PGCKA1: variants seen among roughly 807,000 people sequenced by gnomAD.
PGCKA1 encodes PDCD10 and GCKIII kinases-associated protein 1.
chr4:37,577,311 T>C, the PGCKA1 span, among the ~76,000 whole-genome samples: 3 of 152,174 alleles, frequency 2.0e-5, no homozygotes, highest in African/African-American at 7.2e-5. Flanking sequence ...ATAGGTGGTA[T>C]GTGTCTAGTA....
chr4:37,575,363 T>C, the PGCKA1 span, among the ~76,000 whole-genome samples: 1 of 152,202 alleles, frequency 6.6e-6, no homozygotes. Flanking sequence ...GTTGAGCACC[T>C]TTTCCTATAC....
chr4:37,456,604 A>G, the PGCKA1 span, among the ~76,000 whole-genome samples: 1 of 152,226 alleles, frequency 6.6e-6, no homozygotes, highest in East Asian at 1.9e-4. Flanking sequence ...TCAGTGTACA[A>G]GTGGTTCTAC....
chr4:37,528,650 G>A, the PGCKA1 span, among the ~76,000 whole-genome samples: 1 of 152,160 alleles, frequency 6.6e-6, no homozygotes, highest in Admixed American at 6.5e-5. Flanking sequence ...CAATTGCCCA[G>A]AGAGAGGAGG....
the PGCKA1 span, among the ~76,000 whole-genome samples, chr4:37,506,776 G>A: frequency 2.0e-5 from 3 of 152,058 alleles, no homozygotes; most frequent in South Asian, 6.2e-4. Flanking sequence ...GACATGTTCT[G>A]TAAATATCTA....
At chr4:37,505,540 A>C in the PGCKA1 span, among the ~76,000 whole-genome samples, 1 of 152,218 alleles carries the variant, frequency 6.6e-6, no homozygotes, top group African/African-American at 2.4e-5. Context: ...TCAGGCTTAC[A>C]GTTCCACATG....
chr4:37,501,824 G>C, the PGCKA1 span, among the ~76,000 whole-genome samples: 1 of 152,152 alleles, frequency 6.6e-6, no homozygotes, highest in Admixed American at 6.5e-5. Flanking sequence ...AGGATAGAAG[G>C]CACTCTGGTT....
At chr4:37,462,806 A>G in the PGCKA1 span, among the ~76,000 whole-genome samples, 7 of 151,998 alleles carry the variant, frequency 4.6e-5, no homozygotes, top group African/African-American at 1.5e-4. Context: ...CATCCTGGCT[A>G]ACACAGTGAA....
At chr4:37,540,213 A>G in the PGCKA1 span, among the ~76,000 whole-genome samples, 853 of 152,346 alleles carry the variant, frequency 5.6e-3, 11 homozygotes, top group African/African-American at 0.019. Context: ...GCATGCGTGC[A>G]TAATTATATA....
the PGCKA1 span, chr4:37,590,220 C>T: frequency 2.5e-6 from 4 of 1,614,172 alleles, no homozygotes; most frequent in Admixed American, 5.0e-5. Context: ...AGAAAAATGA[C>T]CCTCAGAGGC....
the PGCKA1 span, among the ~76,000 whole-genome samples, chr4:37,587,305 T>A: frequency 2.0e-5 from 3 of 152,184 alleles, no homozygotes; most frequent in South Asian, 6.2e-4. Flanking sequence ...GCAAATACCT[T>A]TAATTTGGGG....
the PGCKA1 span, chr4:37,590,380 C>G: frequency 1.2e-6 from 2 of 1,613,884 alleles, no homozygotes; most frequent in Non-Finnish European, 1.7e-6. Flanking sequence ...CACTCCACAG[C>G]CCACTGGGAA....
At chr4:37,480,657 ATC>A in the PGCKA1 span, among the ~76,000 whole-genome samples, 1 of 152,190 alleles carries the variant, frequency 6.6e-6, no homozygotes, top group Non-Finnish European at 1.5e-5. Context: ...CAGGGTTGGA[ATC>A]TCTCTGGGTG....
At chr4:37,520,429 T>A in the PGCKA1 span, among the ~76,000 whole-genome samples, 1 of 152,172 alleles carries the variant, frequency 6.6e-6, no homozygotes, top group African/African-American at 2.4e-5. Context: ...AACTTTGATC[T>A]CGTTACTTGT....
At chr4:37,511,383 C>T in the PGCKA1 span, among the ~76,000 whole-genome samples, 1 of 152,134 alleles carries the variant, frequency 6.6e-6, no homozygotes, top group Non-Finnish European at 1.5e-5. Flanking sequence ...ACTGCTGGTT[C>T]TTCAAGGCCT....
the PGCKA1 span, among the ~76,000 whole-genome samples, chr4:37,493,628 A>G: frequency 6.6e-6 from 1 of 152,182 alleles, no homozygotes; most frequent in Non-Finnish European, 1.5e-5. Flanking sequence ...GAAACTGCCA[A>G]TAATATCAGG....
the PGCKA1 span, among the ~76,000 whole-genome samples, chr4:37,501,826 A>T: frequency 6.6e-6 from 1 of 151,848 alleles, no homozygotes; most frequent in Non-Finnish European, 1.5e-5. Flanking sequence ...GATAGAAGGC[A>T]CTCTGGTTTT....
the PGCKA1 span, among the ~76,000 whole-genome samples, chr4:37,518,395 A>G: frequency 6.6e-6 from 1 of 152,204 alleles, no homozygotes; most frequent in Non-Finnish European, 1.5e-5. Context: ...CCAACAGTGT[A>G]TGCAGGTTCC....
the PGCKA1 span, among the ~76,000 whole-genome samples, chr4:37,478,375 C>T: frequency 6.6e-6 from 1 of 152,034 alleles, no homozygotes; most frequent in East Asian, 1.9e-4. Context: ...GGGAATCATA[C>T]TCTCCCAAGG....
the PGCKA1 span, among the ~76,000 whole-genome samples, chr4:37,575,821 A>C: frequency 2.0e-5 from 3 of 152,178 alleles, no homozygotes; most frequent in South Asian, 6.2e-4. Flanking sequence ...GCATATGAAT[A>C]TCTAGTTTTC....
Sources: gnomAD v4.1 joint callset for allele counts (sites outside exome capture counted in the v4.1 genomes callset) on GRCh38, gnomAD v4.1.1 for gene constraint, MANE v1.5 for transcripts, NCBI Gene and HGNC (gene_info 2026-07-23, HGNC 2026-07-21) for gene names.